CNTN5: variants seen among roughly 807,000 people sequenced by gnomAD.
The protein encoded by CNTN5 is contactin-5.
A neutral mutation model predicts 129.1 loss-of-function variants in CNTN5; 77 were observed. That is an observed-to-expected ratio of 0.60 (90% confidence interval 0.50 to 0.72). The LOEUF is 0.72. CNTN5 is among the 30% of genes least tolerant of loss of function. The probability of loss-of-function intolerance (pLI) is 0.00; values close to 1 mark genes in which losing one functional copy is unlikely to be tolerated. For synonymous variants in CNTN5, 509 were observed against 465.6 expected (o/e 1.09, Z -1.20); for missense variants, 1,478 against 1,328.8 (o/e 1.11, Z -1.75).
chr11:99,790,494 A>T (rs2083782), intron 3 of CNTN5, among the ~76,000 whole-genome samples: 16,364 of 152,114 alleles, frequency 0.11, 1,570 homozygotes, highest in East Asian at 0.43. Context: ...GCTACAAAAG[A>T]CATAGTAACA....
At position 100,107,086 on chromosome 11, in the gene CNTN5, G is replaced by T. The variant is rs570101425; in HGVS notation, c.1580+32792G>T. On this transcript the variant is annotated intron_variant, in intron 13 of 24. Transcript: ENST00000524871. Reference sequence around the variant, plus strand: ...ATTTAGTAGATTTGGAATATGGATTGATAGTTTCTAGTTTTGAACCTAGCT... The same window carrying T: ...ATTTAGTAGATTTGGAATATGGATTTATAGTTTCTAGTTTTGAACCTAGCT... 2.2e-3 allele frequency among the ~76,000 whole-genome samples: 334 copies of T among 152,252 alleles called. 5 individuals are homozygous for T. The highest frequency in any genetic ancestry group is 7.6e-3 in the African/African-American group (317 of 41,566).
At chr11:99,218,175 G>A (rs2100835) in intron 1 of CNTN5, among the ~76,000 whole-genome samples, 5,724 of 151,982 alleles carry the variant, frequency 0.038, 279 homozygotes, top group African/African-American at 0.11. Context: ...GGTTATTTTC[G>A]TAGTTCTATT....
At chr11:99,193,113 T>A (rs900945198) in intron 1 of CNTN5, among the ~76,000 whole-genome samples, 1 of 152,204 alleles carries the variant, frequency 6.6e-6, no homozygotes, top group African/African-American at 2.4e-5. Flanking sequence ...TGATCATTTT[T>A]CAAAATGTTT....
At chr11:99,884,517 A>G (rs1948848996) in intron 6 of CNTN5, among the ~76,000 whole-genome samples, 1 of 152,200 alleles carries the variant, frequency 6.6e-6, no homozygotes, top group Non-Finnish European at 1.5e-5. Flanking sequence ...ATAGTGAAAG[A>G]ACAAATATTT....
At chr11:100,054,213 T>C (rs1943103502) in intron 9 of CNTN5, among the ~76,000 whole-genome samples, 1 of 151,566 alleles carries the variant, frequency 6.6e-6, no homozygotes, top group African/African-American at 2.4e-5. Context: ...CCAAAGCAAA[T>C]CATAAGGCAA....
chr11:99,384,660 G>C (rs988313603), intron 2 of CNTN5, among the ~76,000 whole-genome samples: 2 of 152,118 alleles, frequency 1.3e-5, no homozygotes, highest in African/African-American at 4.8e-5. Context: ...ATTCAACCAG[G>C]TTTTATTGAA....
At chr11:99,342,571 CAAAAAAAAAAAAAAAAA>C (rs58710723) in intron 2 of CNTN5, among the ~76,000 whole-genome samples, 6 of 24,494 alleles carry the variant, frequency 2.4e-4, no homozygotes, top group African/African-American at 1.0e-3. Flanking sequence ...CCCGTTATCT[CAAAAAAAAAAAAAAAAA>C]AAAAAAAAAA....
chr11:99,589,419 C>T (rs1949908103), intron 3 of CNTN5, among the ~76,000 whole-genome samples: 1 of 152,120 alleles, frequency 6.6e-6, no homozygotes, highest in East Asian at 1.9e-4. Context: ...CATTCTAAAC[C>T]ACTAAAAGCA....
intron 15 of CNTN5, among the ~76,000 whole-genome samples, chr11:100,208,765 T>C (rs2138578926): frequency 6.6e-6 from 1 of 152,272 alleles, no homozygotes; most frequent in East Asian, 1.9e-4. Context: ...CCAGTTAGCT[T>C]TTGCTGCAAA....
chr11:99,943,376 TG>T (rs34777511), intron 7 of CNTN5, among the ~76,000 whole-genome samples: 1 of 152,158 alleles, frequency 6.6e-6, no homozygotes, highest in African/African-American at 2.4e-5. Flanking sequence ...CACTTTTTGA[TG>T]GGGTTGTGTT....
Position 100,299,010 on chromosome 11 carries a change from G to A in CNTN5, c.2386-152G>A, listed in dbSNP as rs185479276. 3.3e-5 allele frequency among the ~76,000 whole-genome samples: 5 copies of A among 151,612 alleles called. No homozygotes were observed. The East Asian group carries it at 7.8e-4, about 24-fold the overall frequency. On this transcript the variant is annotated intron_variant, in intron 19 of 24. Coordinates refer to ENST00000524871, the MANE Select transcript of CNTN5 (RefSeq NM_014361.4). ...TTTTAACTTTCAAAGAAGTGCCAAAGTGATTGTACTATTTTGGCTTCCAAT... is the reference window on the plus strand; with the variant it reads ...TTTTAACTTTCAAAGAAGTGCCAAAATGATTGTACTATTTTGGCTTCCAAT...
At chr11:100,304,773 C>G (rs1046296005) in intron 20 of CNTN5, among the ~76,000 whole-genome samples, 4 of 151,034 alleles carry the variant, frequency 2.6e-5, no homozygotes, top group Non-Finnish European at 3.0e-5. Flanking sequence ...ATTTAAGCAG[C>G]TGTGGGATCT....
At chr11:99,133,975 C>G (rs1448027439) in intron 1 of CNTN5, among the ~76,000 whole-genome samples, 1 of 152,092 alleles carries the variant, frequency 6.6e-6, no homozygotes, top group African/African-American at 2.4e-5. Context: ...CATTGCAGCA[C>G]TATTTACAAT....
intron 6 of CNTN5, among the ~76,000 whole-genome samples, chr11:99,883,808 C>A (rs192831930): frequency 6.6e-6 from 1 of 152,216 alleles, no homozygotes; most frequent in East Asian, 1.9e-4. Context: ...TCTTTAAGAA[C>A]AGCATGTCCA....
At chr11:99,075,884 A>G (rs573285836) in intron 1 of CNTN5, among the ~76,000 whole-genome samples, 60 of 152,344 alleles carry the variant, frequency 3.9e-4, no homozygotes, top group African/African-American at 1.4e-3. Context: ...AAAAGATACA[A>G]TTATGACAGA....
intron 2 of CNTN5, among the ~76,000 whole-genome samples, chr11:99,457,443 A>T (rs1944537499): frequency 6.6e-6 from 1 of 151,836 alleles, no homozygotes; most frequent in Admixed American, 6.6e-5. Flanking sequence ...TTAAAAAAAG[A>T]AATAGGATTT....
chr11:99,512,003 T>C (rs911402040), intron 2 of CNTN5, among the ~76,000 whole-genome samples: 6 of 152,116 alleles, frequency 3.9e-5, no homozygotes, highest in African/African-American at 1.4e-4. Context: ...GGCTAATTTA[T>C]TGAAGATACA....
At position 99,646,076 on chromosome 11, in the gene CNTN5, G is replaced by A. The variant is rs113944581; in HGVS notation, c.55+89807G>A. ...CTAGTGCAGTTAATTTGTTTTTGTG[G>A]AGTCCATCTCTCAGCATTGATTTTT... On this transcript the variant is annotated intron_variant, in intron 3 of 24. Transcript: ENST00000524871. Among the ~76,000 whole-genome samples the A allele has an allele frequency of 3.0e-3, 450 of 152,272 alleles. 3 individuals are homozygous for A. The highest frequency in any genetic ancestry group is 0.01 in the African/African-American group (420 of 41,558).
At chr11:100,232,167 C>G (rs1949505032) in intron 16 of CNTN5, among the ~76,000 whole-genome samples, 1 of 151,600 alleles carries the variant, frequency 6.6e-6, no homozygotes, top group Admixed American at 6.6e-5. Context: ...AAACAAAAAA[C>G]AAAACAAAGA....
Sources: allele counts gnomAD v4.1 joint callset (sites outside exome capture counted in the v4.1 genomes callset), GRCh38; gene constraint gnomAD v4.1.1; transcripts MANE v1.5; gene names NCBI Gene and HGNC (gene_info 2026-07-23, HGNC 2026-07-21).